PRR16: variants seen among roughly 807,000 people sequenced by gnomAD.
PRR16 encodes the protein proline rich 16, also known as protein Largen.
In PRR16, 6 loss-of-function variants were observed where a neutral mutation model predicts 18.2. That is an observed-to-expected ratio of 0.33 (90% CI 0.18 to 0.65). The LOEUF (loss-of-function observed/expected upper bound fraction) is 0.65. Among genes scored for constraint, PRR16 ranks in the 30% least tolerant of loss-of-function variants. PRR16 has a pLI of 0.74. For missense variants in PRR16, 412 were observed against 376.6 expected, an observed-to-expected ratio of 1.09 and a Z score of -0.78; for synonymous variants, 151 against 147.8, an observed-to-expected ratio of 1.02 and a Z score of -0.16.
intron 1 of PRR16, among the ~76,000 whole-genome samples, chr5:120,528,609 C>T (rs1751448331): frequency 6.6e-6 from 1 of 152,066 alleles, no homozygotes; most frequent in Non-Finnish European, 1.5e-5. Context: ...CTTAGGGATC[C>T]AGTGCAGAAT....
the PRR16 span, among the ~76,000 whole-genome samples, chr5:120,734,295 G>A: frequency 6.6e-6 from 1 of 152,120 alleles, no homozygotes; most frequent in South Asian, 2.1e-4. Flanking sequence ...GGAAGAGGGA[G>A]CAGGAGGCTG....
In PRR16 at chr5:120,687,064, G is replaced by A. The variant is rs10069230; in HGVS notation, c.*355G>A. On this transcript the variant is annotated 3_prime_UTR_variant, in exon 2 of 2. Coordinates refer to ENST00000407149, the MANE Select transcript of PRR16 (RefSeq NM_001300783.2). ...GCCTAAGTCATCTATGCATTAACAT[G>A]TCATATTCTTAACTTTGATCTAATG... The A allele has an allele frequency of 0.059, 9,719 of 163,748 alleles. 362 individuals are homozygous for A. Among genetic ancestry groups the A allele is most frequent in the South Asian group, 0.086 (425 of 4,940 alleles). 10.1% of individuals were successfully genotyped at this position (163,748 alleles called of 1,614,324 possible). A position where few individuals can be genotyped will look rare whatever the true frequency, so the allele number is the denominator to read the frequency against.
At chr5:120,609,756 T>C (rs2112803487) in intron 1 of PRR16, among the ~76,000 whole-genome samples, 2 of 152,356 alleles carry the variant, frequency 1.3e-5, no homozygotes, top group African/African-American at 4.8e-5. Context: ...TCATTTTTAC[T>C]GTCTGGAAAT....
intron 1 of PRR16, among the ~76,000 whole-genome samples, chr5:120,498,496 T>C (rs902426418): frequency 6.6e-6 from 1 of 151,738 alleles, no homozygotes; most frequent in African/African-American, 2.4e-5. Flanking sequence ...TAACTATTTC[T>C]CTACATATAT....
chr5:120,632,074 C>A (rs1436014274), intron 1 of PRR16, among the ~76,000 whole-genome samples: 1 of 152,178 alleles, frequency 6.6e-6, no homozygotes, highest in Non-Finnish European at 1.5e-5. Flanking sequence ...TGTGCAGATA[C>A]TCCCCAGTAC....
the PRR16 span, among the ~76,000 whole-genome samples, chr5:120,764,525 T>G: frequency 6.6e-6 from 1 of 152,098 alleles, no homozygotes; most frequent in African/African-American, 2.4e-5. Flanking sequence ...TATCGCTGTG[T>G]GTTCCTGTCC....
the PRR16 span, among the ~76,000 whole-genome samples, chr5:120,779,355 C>T: frequency 6.6e-6 from 1 of 152,138 alleles, no homozygotes; most frequent in East Asian, 1.9e-4. Context: ...GAATAAAATC[C>T]CTGCTTAGCT....
intron 1 of PRR16, among the ~76,000 whole-genome samples, chr5:120,560,400 T>C (rs1752539622): frequency 6.6e-6 from 1 of 151,982 alleles, no homozygotes; most frequent in South Asian, 2.1e-4. Flanking sequence ...AATGATCTTT[T>C]TTTTTGTACT....
chr5:120,704,942 T>C, the PRR16 span, among the ~76,000 whole-genome samples: 1 of 152,174 alleles, frequency 6.6e-6, no homozygotes, highest in African/African-American at 2.4e-5. Context: ...AACGTTTTTT[T>C]AATTTAATGC....
intron 1 of PRR16, among the ~76,000 whole-genome samples, chr5:120,497,361 G>T (rs1750283660): frequency 3.9e-5 from 5 of 126,734 alleles, no homozygotes; most frequent in African/African-American, 1.2e-4. Context: ...ATCAGTTTTT[G>T]CTTCCCCTGT....
chr5:120,583,137 A>G (rs1383388015), intron 1 of PRR16, among the ~76,000 whole-genome samples: 1 of 152,228 alleles, frequency 6.6e-6, no homozygotes, highest in Non-Finnish European at 1.5e-5. Context: ...GGGTCAGCCA[A>G]GCTAAAGTCA....
At chr5:120,773,159 C>G in the PRR16 span, among the ~76,000 whole-genome samples, 7 of 152,204 alleles carry the variant, frequency 4.6e-5, no homozygotes, top group Non-Finnish European at 7.4e-5. Flanking sequence ...AAGACTCTTA[C>G]CCAGTGTCAG....
chr5:120,637,024 A>G (rs746250926), intron 1 of PRR16, among the ~76,000 whole-genome samples: 1 of 152,172 alleles, frequency 6.6e-6, no homozygotes, highest in Non-Finnish European at 1.5e-5. Context: ...CAACAAGCAT[A>G]TGGAAAAATG....
rs3047950 is a variant in PRR16, at chr5:120,530,254, A to AATATATATATAT, written c.159+65628_159+65639dup. ...TGCTGTTTTACCTGAAGTGTGTGTA[A>AATATATATATAT]ATATATATATATATATATATATATA... On this transcript the variant is annotated intron_variant, in intron 1 of 1. Transcript: ENST00000407149. Among the ~76,000 whole-genome samples, 74 of 106,690 alleles carry AATATATATATAT rather than the reference A, an allele frequency of 6.9e-4. 1 individual carries two copies. Among genetic ancestry groups the AATATATATATAT allele is most frequent in the African/African-American group, 1.5e-3 (35 of 24,072 alleles). The allele number at this position is 106,690 out of a possible 152,430, so 70.0% of individuals were successfully genotyped here.
At chr5:120,517,609 T>C (rs979562001) in intron 1 of PRR16, among the ~76,000 whole-genome samples, 1 of 152,214 alleles carries the variant, frequency 6.6e-6, no homozygotes, top group African/African-American at 2.4e-5. Flanking sequence ...AATAATTTCA[T>C]GGATTTCTTT....
chr5:120,579,079 C>T (rs903838799), intron 1 of PRR16, among the ~76,000 whole-genome samples: 1 of 151,974 alleles, frequency 6.6e-6, no homozygotes, highest in Non-Finnish European at 1.5e-5. Context: ...ATATCCTTTG[C>T]CCACTTTTTG....
the PRR16 span, among the ~76,000 whole-genome samples, chr5:120,737,703 A>G: frequency 6.6e-6 from 1 of 151,274 alleles, no homozygotes; most frequent in African/African-American, 2.4e-5. Context: ...AGTTTCTGGT[A>G]GAATTCTTCA....
the PRR16 span, among the ~76,000 whole-genome samples, chr5:120,695,274 A>C: frequency 6.6e-6 from 1 of 152,282 alleles, no homozygotes; most frequent in Admixed American, 6.5e-5. Flanking sequence ...GGGCTGTATA[A>C]AACAGATTTT....
the PRR16 span, among the ~76,000 whole-genome samples, chr5:120,695,669 G>A: frequency 5.4e-3 from 823 of 152,096 alleles, 4 homozygotes; most frequent in Middle Eastern, 0.014. Flanking sequence ...AAATTCTTAC[G>A]TCTGGTCTTG....
Sources: allele counts gnomAD v4.1 joint callset (sites outside exome capture counted in the v4.1 genomes callset), GRCh38; gene constraint gnomAD v4.1.1; transcripts MANE v1.5; gene names NCBI Gene and HGNC (gene_info 2026-07-23, HGNC 2026-07-21).